ADAMTSL3: variants seen among roughly 807,000 people sequenced by gnomAD.
ADAMTSL3 encodes ADAMTS like 3, also known as ADAMTS-like protein 3.
ADAMTSL3 carries 128 observed loss-of-function variants against 201.7 expected under a neutral mutation model. The ratio of observed to expected loss-of-function variants is 0.63; its 90% CI spans 0.55 to 0.73. ADAMTSL3 has a LOEUF of 0.73. ADAMTSL3 is among the 30% of genes least tolerant of loss of function. The pLI is 0.00. For synonymous variants in ADAMTSL3, 738 were observed against 748.4 expected (o/e 0.99, Z 0.23); for missense variants, 1,990 against 2,119.6 (o/e 0.94, Z 1.20).
chr15:83,720,092 G>T (rs546065487), intron 3 of ADAMTSL3, among the ~76,000 whole-genome samples: 1 of 152,158 alleles, frequency 6.6e-6, no homozygotes, highest in Non-Finnish European at 1.5e-5. Flanking sequence ...GGTGGCTTAT[G>T]CCTGTAATCC....
chr15:84,033,396 C>T (rs558065409), intron 28 of ADAMTSL3, among the ~76,000 whole-genome samples: 1 of 152,302 alleles, frequency 6.6e-6, no homozygotes, highest in Admixed American at 6.5e-5. Context: ...CATGGTGGCT[C>T]ACACTTGTAA....
intron 3 of ADAMTSL3, among the ~76,000 whole-genome samples, chr15:83,741,483 C>T (rs2062454638): frequency 6.6e-6 from 1 of 151,828 alleles, no homozygotes; most frequent in African/African-American, 2.4e-5. Context: ...GAAAAAGTTT[C>T]CTAATGAATA....
Position 83,838,131 on chromosome 15 carries a change from G to A in ADAMTSL3, c.643G>A (p.Asp215Asn). 6.2e-7 allele frequency: 1 copy of A among 1,613,180 alleles called. No homozygotes were observed. ...GCAACTGGGAAGCAATGCCAAGGAGGACAACTGTGGAGTCTGTGCCGGCGA... is the reference window on the plus strand; with the variant it reads ...GCAACTGGGAAGCAATGCCAAGGAGAACAACTGTGGAGTCTGTGCCGGCGA... ...DRQLGSNAKE[D>N]NCGVCAGDGS... Residue 215 changes from aspartate (D) to asparagine (N), a missense_variant, in exon 7 of 30, where the codon GAC becomes AAC. Physicochemically the swap from Asp to Asn is conservative, Grantham distance 23. Transcript: ENST00000286744.
intron 23 of ADAMTSL3, among the ~76,000 whole-genome samples, chr15:83,999,616 A>G (rs150416109): frequency 6.6e-6 from 1 of 152,306 alleles, no homozygotes; most frequent in African/African-American, 2.4e-5. Flanking sequence ...CACACGGTGC[A>G]TGCACAAACA....
chr15:83,947,340 C>G (rs1350799835), intron 19 of ADAMTSL3, among the ~76,000 whole-genome samples: 1 of 152,240 alleles, frequency 6.6e-6, no homozygotes, highest in African/African-American at 2.4e-5. Flanking sequence ...TCTTCCTCTT[C>G]CCCGACACTA....
intron 19 of ADAMTSL3, among the ~76,000 whole-genome samples, chr15:83,949,963 G>T (rs1379144887): frequency 6.6e-6 from 1 of 151,964 alleles, no homozygotes; most frequent in East Asian, 1.9e-4. Context: ...TCTGTGGGTT[G>T]TGTCTACTTT....
chr15:83,870,063 A>C (rs957650156), intron 8 of ADAMTSL3, among the ~76,000 whole-genome samples: 2 of 152,200 alleles, frequency 1.3e-5, no homozygotes, highest in Non-Finnish European at 2.9e-5. Flanking sequence ...TTTTTTGTTT[A>C]AACTGTGATA....
chr15:83,722,913 C>T (rs1483100015), intron 3 of ADAMTSL3, among the ~76,000 whole-genome samples: 1 of 151,880 alleles, frequency 6.6e-6, no homozygotes, highest in Non-Finnish European at 1.5e-5. Flanking sequence ...CATAAAAATA[C>T]CATGAAAGTA....
At chr15:83,845,836 G>C (rs1173921533) in intron 7 of ADAMTSL3, among the ~76,000 whole-genome samples, 1 of 152,180 alleles carries the variant, frequency 6.6e-6, no homozygotes, top group African/African-American at 2.4e-5. Flanking sequence ...ACTGCTACTT[G>C]GTTGCCTTTT....
intron 15 of ADAMTSL3, among the ~76,000 whole-genome samples, chr15:83,912,369 T>C (rs7178321): frequency 0.015 from 2,329 of 152,338 alleles, 60 homozygotes; most frequent in African/African-American, 0.05. Context: ...TATCTTTTTT[T>C]CTGCCAACCA....
At position 83,824,340 on chromosome 15, in the gene ADAMTSL3, T is replaced by G. The variant is rs563012505; in HGVS notation, c.600+4293T>G. 2.0e-5 allele frequency among the ~76,000 whole-genome samples: 3 copies of G among 152,222 alleles called. No individual in the cohort carries two copies. The East Asian group carries it at 5.8e-4, about 29-fold the overall frequency. ...CTGACTCCATTTTTTAGAGCAATTT[T>G]AGATTCACAACAAAATTTAGTGGAA... On this transcript the variant is annotated intron_variant, in intron 6 of 29. Coordinates refer to ENST00000286744, the MANE Select transcript of ADAMTSL3 (RefSeq NM_207517.3).
intron 17 of ADAMTSL3, among the ~76,000 whole-genome samples, chr15:83,931,693 G>A (rs567781037): frequency 6.6e-6 from 1 of 152,190 alleles, no homozygotes; most frequent in African/African-American, 2.4e-5. Context: ...TATAAAAGGG[G>A]GCCTATCAAA....
At chr15:83,865,030 A>C (rs1439180111) in intron 8 of ADAMTSL3, among the ~76,000 whole-genome samples, 2 of 152,180 alleles carry the variant, frequency 1.3e-5, no homozygotes, top group Admixed American at 6.5e-5. Flanking sequence ...CAAAGAGAAT[A>C]AAATACCTAG....
intron 11 of ADAMTSL3, chr15:83,891,121 A>G (rs1322340354): frequency 2.0e-6 from 1 of 503,628 alleles, no homozygotes. Flanking sequence ...TACATTTTCA[A>G]ATAGAACTGG....
At chr15:83,994,595 T>G (rs1375391248) in intron 23 of ADAMTSL3, among the ~76,000 whole-genome samples, 5 of 97,986 alleles carry the variant, frequency 5.1e-5, no homozygotes, top group Admixed American at 9.3e-5. Flanking sequence ...CGTTTTTTTT[T>G]TTTTTTTTTT....
intron 5 of ADAMTSL3, among the ~76,000 whole-genome samples, chr15:83,810,250 T>C (rs894103795): frequency 2.0e-5 from 3 of 152,240 alleles, no homozygotes; most frequent in South Asian, 4.1e-4. Flanking sequence ...TGAATCACAC[T>C]TGATGTTGAG....
At chr15:83,939,850 G>T (rs1023629470) in intron 17 of ADAMTSL3, among the ~76,000 whole-genome samples, 5 of 152,056 alleles carry the variant, frequency 3.3e-5, no homozygotes, top group African/African-American at 1.2e-4. Context: ...TTGAACTCCT[G>T]ACCTCAGGTG....
chr15:83,740,426 C>G (rs1431576084), intron 3 of ADAMTSL3, among the ~76,000 whole-genome samples: 3 of 152,034 alleles, frequency 2.0e-5, no homozygotes, highest in African/African-American at 7.3e-5. Flanking sequence ...GATGAAGAAT[C>G]CAAATTAAAA....
chr15:83,762,587 G>A (rs2062825715), intron 3 of ADAMTSL3, among the ~76,000 whole-genome samples: 1 of 152,030 alleles, frequency 6.6e-6, no homozygotes, highest in South Asian at 2.1e-4. Flanking sequence ...CACGCGGTGG[G>A]AGGGCAGAAG....
Sources: gnomAD v4.1 joint callset for allele counts (sites outside exome capture counted in the v4.1 genomes callset) on GRCh38, gnomAD v4.1.1 for gene constraint, MANE v1.5 for transcripts, NCBI Gene and HGNC (gene_info 2026-07-23, HGNC 2026-07-21) for gene names.